The following MAP2K5 variants were observed in gnomAD, a reference collection of about 807,000 sequenced individuals.
The protein encoded by MAP2K5 is dual specificity mitogen-activated protein kinase kinase 5.
MAP2K5 carries 49 observed loss-of-function variants against 83.1 expected under a neutral mutation model. The observed-to-expected ratio is 0.59, with a 90% CI of 0.47 to 0.75. The LOEUF is 0.75. Ranked by LOEUF, MAP2K5 falls within the 30% of genes least tolerant of loss-of-function variation. MAP2K5 has a pLI of 0.00. For missense variants in MAP2K5, 457 were observed against 557.5 expected, an observed-to-expected ratio of 0.82 and a Z score of 1.82; for synonymous variants, 202 against 191.8, an observed-to-expected ratio of 1.05 and a Z score of -0.44.
At position 67,708,813 on chromosome 15, in the gene MAP2K5, A is replaced by G. The variant is rs959756736; in HGVS notation, c.1044+5405A>G. Among the ~76,000 whole-genome samples, 2 of 152,078 alleles carry G rather than the reference A, an allele frequency of 1.3e-5. No homozygotes were observed. The highest frequency in any genetic ancestry group is 4.8e-5 in the African/African-American group (2 of 41,390). On this transcript the variant is annotated intron_variant, in intron 16 of 21. Transcript: ENST00000178640. This position sits in a 1 kb window ranked among gnomAD's most constrained non-coding sequence, Gnocchi z 4.9. ...CTAAAATGTGCCATTAAAAAAAAAAACTCACTGACAGGTACATTTATGCCT... is the reference window on the plus strand; with the variant it reads ...CTAAAATGTGCCATTAAAAAAAAAAGCTCACTGACAGGTACATTTATGCCT...
chr15:67,670,312 C>A, intron 13 of MAP2K5: 1 of 425,414 alleles, frequency 2.4e-6, no homozygotes. Context: ...GGTTGACAAA[C>A]AGTGGAGGAG....
chr15:67,627,504 G>A (rs1281624594), intron 8 of MAP2K5, among the ~76,000 whole-genome samples: 2 of 152,182 alleles, frequency 1.3e-5, no homozygotes, highest in African/African-American at 4.8e-5. Flanking sequence ...AAATGAGTAA[G>A]TTCTTATAAC....
chr15:67,739,391 GAC>G (rs1300238463), intron 17 of MAP2K5, among the ~76,000 whole-genome samples: 1 of 129,222 alleles, frequency 7.7e-6, no homozygotes, highest in Non-Finnish European at 1.6e-5. Flanking sequence ...AAGCCAGTAA[GAC>G]ACATGTTAAT....
chr15:67,681,436 G>C (rs2087814212), intron 13 of MAP2K5, among the ~76,000 whole-genome samples: 1 of 152,050 alleles, frequency 6.6e-6, no homozygotes, highest in South Asian at 2.1e-4. Flanking sequence ...CACCTTCCAG[G>C]GCATCACTCT....
At chr15:67,571,849 A>G (rs2084952657) in intron 3 of MAP2K5, among the ~76,000 whole-genome samples, 1 of 152,048 alleles carries the variant, frequency 6.6e-6, no homozygotes. Context: ...CATGCAGCAA[A>G]TGTTTATTGG....
In MAP2K5 at chr15:67,640,652, A is replaced by G. The variant is rs1310397696; in HGVS notation, c.586-5579A>G. 1.1e-5 allele frequency: 10 copies of G among 878,280 alleles called. No homozygotes were observed. The highest frequency in any genetic ancestry group is 1.8e-5 in the African/African-American group (1 of 55,144). 54.4% of individuals were successfully genotyped at this position (878,280 alleles called of 1,614,324 possible). A position where few individuals can be genotyped will look rare whatever the true frequency, so the allele number is the denominator to read the frequency against. On this transcript the variant is annotated intron_variant, in intron 9 of 21. Transcript: ENST00000178640. The surrounding 1 kb of genome is among the most constrained non-coding windows in gnomAD (Gnocchi z 4.6). ...AGTTGGACCCACACTTTGAATGTCT[A>G]TGGGCACAATTAGATGAGTCCTTGA...
chr15:67,594,837 TTGGAAG>T (rs1167847991), intron 7 of MAP2K5, among the ~76,000 whole-genome samples: 9 of 152,174 alleles, frequency 5.9e-5, no homozygotes, highest in Admixed American at 5.9e-4. Context: ...AAACCCACCT[TTGGAAG>T]CTTTCAAAAT....
intron 7 of MAP2K5, among the ~76,000 whole-genome samples, chr15:67,598,296 T>C (rs1159821747): frequency 1.3e-5 from 2 of 152,052 alleles, no homozygotes; most frequent in Non-Finnish European, 2.9e-5. Flanking sequence ...TAGAAAGACA[T>C]TATAGGAACA....
At chr15:67,672,655 C>A (rs1188448488) in intron 13 of MAP2K5, among the ~76,000 whole-genome samples, 2 of 149,058 alleles carry the variant, frequency 1.3e-5, no homozygotes, top group East Asian at 3.9e-4. Flanking sequence ...TGCAGAAGCT[C>A]TTTAGTTTAA....
rs148426534 is a variant in MAP2K5 at position 67,789,806 on chromosome 15, T to G, written c.1243-16840T>G. On this transcript the variant is annotated intron_variant, in intron 21 of 21. Coordinates refer to ENST00000178640, the MANE Select transcript of MAP2K5 (RefSeq NM_145160.3). ...TCTTTCATATGTTTGTTGGTCACAT[T>G]TTTTTTTTCACATTCTTTGCCTGTT... Among the ~76,000 whole-genome samples the G allele has an allele frequency of 3.3e-5, 5 of 151,990 alleles. No homozygotes were observed. The East Asian group carries it at 9.6e-4, about 29-fold the overall frequency.
intron 13 of MAP2K5, chr15:67,679,760 A>G (rs1226782163): frequency 1.3e-5 from 2 of 152,224 alleles, no homozygotes; most frequent in Non-Finnish European, 2.9e-5. Flanking sequence ...CAATTTATTT[A>G]TTAGTAATTA....
At chr15:67,663,544 A>G (rs893453162) in intron 12 of MAP2K5, among the ~76,000 whole-genome samples, 3 of 152,088 alleles carry the variant, frequency 2.0e-5, no homozygotes, top group Non-Finnish European at 4.4e-5. Flanking sequence ...TTTCTATTCT[A>G]CCCACTGCCT....
At chr15:67,658,990 A>G (rs1393143016) in intron 12 of MAP2K5, 2 of 300,566 alleles carry the variant, frequency 6.7e-6, no homozygotes, top group South Asian at 3.2e-5. Context: ...AAAGCAGTCT[A>G]TGAGAAAATA....
chr15:67,752,049 T>C (rs1362818409), intron 19 of MAP2K5, among the ~76,000 whole-genome samples: 1 of 151,952 alleles, frequency 6.6e-6, no homozygotes, highest in Non-Finnish European at 1.5e-5. Context: ...TCGGTGTTTT[T>C]TGTTTGTTTG....
intron 4 of MAP2K5, among the ~76,000 whole-genome samples, chr15:67,583,328 T>A (rs1450716029): frequency 6.6e-6 from 1 of 152,138 alleles, no homozygotes; most frequent in Non-Finnish European, 1.5e-5. Flanking sequence ...GGGGAGAGGA[T>A]ACTTAAAGGA....
intron 8 of MAP2K5, among the ~76,000 whole-genome samples, chr15:67,607,989 A>G (rs1243430530): frequency 6.6e-6 from 1 of 152,204 alleles, no homozygotes; most frequent in Non-Finnish European, 1.5e-5. Context: ...TTTCAACTTC[A>G]TCTCCTCTCA....
chr15:67,585,680 G>T (rs980493520), intron 4 of MAP2K5: 3 of 520,612 alleles, frequency 5.8e-6, no homozygotes, highest in Non-Finnish European at 1.0e-5. Context: ...ATATGAGGTG[G>T]TGTCAGAAAG....
intron 8 of MAP2K5, among the ~76,000 whole-genome samples, chr15:67,622,750 A>G (rs1441223007): frequency 6.6e-6 from 1 of 152,200 alleles, no homozygotes; most frequent in Non-Finnish European, 1.5e-5. Flanking sequence ...ATAATAGAGC[A>G]TGTAACATTT....
chr15:67,687,108 GA>G (rs371694589), intron 13 of MAP2K5, among the ~76,000 whole-genome samples: 128 of 152,248 alleles, frequency 8.4e-4, no homozygotes, highest in African/African-American at 3.0e-3. Context: ...CAGTAAAATT[GA>G]TTTTTTTAAT....
Sources: allele counts gnomAD v4.1 joint callset (sites outside exome capture counted in the v4.1 genomes callset), GRCh38; gene constraint gnomAD v4.1.1; non-coding constraint Gnocchi (gnomAD v3.1); transcripts MANE v1.5; gene names NCBI Gene and HGNC (gene_info 2026-07-23, HGNC 2026-07-21).